RGS20: variants seen among roughly 807,000 people sequenced by gnomAD.
RGS20 encodes regulator of G protein signaling 20.
In RGS20, 30 loss-of-function variants were observed where a neutral mutation model predicts 33.6. That is an observed-to-expected ratio of 0.89 (90% CI 0.67 to 1.21). The LOEUF (loss-of-function observed/expected upper bound fraction) is 1.21. Among genes scored for constraint, RGS20 ranks in the 50% most tolerant of loss-of-function variants. The pLI is 0.00. For synonymous variants in RGS20, 208 were observed against 197.9 expected (o/e 1.05, Z -0.43); for missense variants, 472 against 502.4 (o/e 0.94, Z 0.58).
chr8:53,861,093 G>A (rs1001144940), intron 1 of RGS20, among the ~76,000 whole-genome samples: 1 of 152,148 alleles, frequency 6.6e-6, no homozygotes, highest in Non-Finnish European at 1.5e-5. Flanking sequence ...CAAAATCAAC[G>A]ATGACACCTG....
At chr8:53,952,982 A>G (rs755709697) in intron 4 of RGS20, among the ~76,000 whole-genome samples, 1 of 152,210 alleles carries the variant, frequency 6.6e-6, no homozygotes, top group Admixed American at 6.5e-5. Context: ...ATGCAACATT[A>G]TCAGTGCTGT....
chr8:53,864,307 G>T (rs1002833935), intron 1 of RGS20, among the ~76,000 whole-genome samples: 5 of 151,794 alleles, frequency 3.3e-5, no homozygotes, highest in Non-Finnish European at 5.9e-5. Context: ...GATGGCGGGT[G>T]CCTGTAATCC....
intron 1 of RGS20, among the ~76,000 whole-genome samples, chr8:53,866,023 C>T (rs1018987412): frequency 1.3e-5 from 2 of 152,114 alleles, no homozygotes; most frequent in African/African-American, 2.4e-5. Context: ...GCAACCCCAA[C>T]GTGAGAGAGC....
At chr8:53,957,910 G>A (rs191763065) in intron 5 of RGS20, among the ~76,000 whole-genome samples, 2 of 152,292 alleles carry the variant, frequency 1.3e-5, no homozygotes, top group African/African-American at 4.8e-5. Flanking sequence ...AGCTAGAGAG[G>A]CCGAGGCGGG....
chr8:53,890,528 G>A (rs1812684437), intron 2 of RGS20, among the ~76,000 whole-genome samples: 1 of 152,140 alleles, frequency 6.6e-6, no homozygotes, highest in Non-Finnish European at 1.5e-5. Context: ...TCTTCCACCA[G>A]CAAGGATTGA....
intron 4 of RGS20, among the ~76,000 whole-genome samples, chr8:53,952,389 A>T (rs1814737412): frequency 6.6e-6 from 1 of 150,502 alleles, no homozygotes. Flanking sequence ...GGAAAAAGCA[A>T]GTTGCAGAAG....
chr8:53,938,136 A>ATATT (rs779000105), intron 2 of RGS20, among the ~76,000 whole-genome samples: 19 of 152,212 alleles, frequency 1.2e-4, no homozygotes, highest in Admixed American at 5.2e-4. Context: ...ACCAACCCAA[A>ATATT]TGCCCATCAA....
chr8:53,874,585 A>G (rs73680342), intron 1 of RGS20, among the ~76,000 whole-genome samples: 12,852 of 152,244 alleles, frequency 0.084, 1,146 homozygotes, highest in East Asian at 0.32. Context: ...AGGACAGAAC[A>G]GTTGGAAACT....
intron 4 of RGS20, among the ~76,000 whole-genome samples, chr8:53,951,331 C>CA (rs905915245): frequency 2.6e-5 from 4 of 151,820 alleles, no homozygotes; most frequent in East Asian, 1.9e-4. Context: ...CAAAAAAATA[C>CA]AAAAAAATTT....
intron 5 of RGS20, among the ~76,000 whole-genome samples, chr8:53,955,402 C>CA (rs1814838701): frequency 6.6e-6 from 1 of 152,082 alleles, no homozygotes. Flanking sequence ...TGTTATAGAG[C>CA]AGCAGCATCA....
chr8:53,859,746 A>G (rs1227168264), intron 1 of RGS20, among the ~76,000 whole-genome samples: 1 of 152,212 alleles, frequency 6.6e-6, no homozygotes, highest in Non-Finnish European at 1.5e-5. Context: ...AGCCCTCACA[A>G]TCATGGTGGA....
intron 5 of RGS20, 60 bp from the exon 5 acceptor site, chr8:53,958,210 G>A: frequency 8.1e-7 from 1 of 1,233,268 alleles, no homozygotes. Context: ...AGCTCTAGGA[G>A]TTTGGGATAG....
At chr8:53,939,766 A>C (rs1248712441) in intron 3 of RGS20, 42 bp downstream of exon 2, 10 of 1,528,336 alleles carry the variant, frequency 6.5e-6, no homozygotes, top group Non-Finnish European at 8.8e-6. Context: ...CCTGACTGGG[A>C]AGTGTAATGT....
intron 5 of RGS20, among the ~76,000 whole-genome samples, chr8:53,955,709 T>C (rs997037302): frequency 2.6e-5 from 4 of 152,106 alleles, no homozygotes; most frequent in Non-Finnish European, 5.9e-5. Flanking sequence ...CATTCATCTG[T>C]AATCCCAGCT....
intron 2 of RGS20, among the ~76,000 whole-genome samples, chr8:53,932,849 C>T (rs1344101728): frequency 2.6e-5 from 4 of 152,120 alleles, no homozygotes; most frequent in Non-Finnish European, 4.4e-5. Context: ...CAGCAGGGGT[C>T]GACAGACACC....
intron 2 of RGS20, among the ~76,000 whole-genome samples, 164 bp downstream of exon 1, chr8:53,881,248 C>G (rs533336893): frequency 5.3e-4 from 81 of 151,886 alleles, no homozygotes; most frequent in African/African-American, 1.9e-3. Flanking sequence ...GGTTCCTTCC[C>G]GCAGTGCGAG....
At position 53,947,196 on chromosome 8, in the gene RGS20, C is replaced by CGCTATATAAGATATAGCATATTTATACAT. The variant is rs1563429030; in HGVS notation, c.743+473_743+474insACATGCTATATAAGATATAGCATATTTAT. ...ATATAAGATATAGCATATTTATACA[C>CGCTATATAAGATATAGCATATTTATACAT]GCTATATAAGATATAGCATATTTAT... On this transcript the variant is annotated intron_variant, in intron 4 of 5. Transcript: ENST00000297313. Among the ~76,000 whole-genome samples the CGCTATATAAGATATAGCATATTTATACAT allele has an allele frequency of 3.8e-3, 530 of 138,272 alleles. 9 individuals carry two copies. The highest frequency in any genetic ancestry group is 0.014 in the African/African-American group (511 of 35,434). The allele number at this position is 138,272 out of a possible 152,430, so 90.7% of individuals were successfully genotyped here.
chr8:53,882,545 C>A (rs2129275062), intron 2 of RGS20, among the ~76,000 whole-genome samples: 1 of 151,554 alleles, frequency 6.6e-6, no homozygotes, highest in Middle Eastern at 3.4e-3. Context: ...AGGTGGAGAG[C>A]GCTACAGGGG....
intron 2 of RGS20, among the ~76,000 whole-genome samples, chr8:53,909,443 G>T (rs1362730764): frequency 1.3e-5 from 2 of 151,294 alleles, no homozygotes; most frequent in South Asian, 2.1e-4. Context: ...TTGAGACAGG[G>T]TTTCCCTATA....
Sources: gnomAD v4.1 joint callset for allele counts (sites outside exome capture counted in the v4.1 genomes callset) on GRCh38, gnomAD v4.1.1 for gene constraint, MANE v1.5 for transcripts, NCBI Gene and HGNC (gene_info 2026-07-23, HGNC 2026-07-21) for gene names.